DAOA: variants seen among roughly 807,000 people sequenced by gnomAD.
DAOA encodes D-amino acid oxidase activator.
DAOA carries 15 observed loss-of-function variants against 16.4 expected under a neutral mutation model. The observed-to-expected ratio is 0.91, with a 90% CI of 0.61 to 1.41. DAOA has a LOEUF of 1.41. Among genes scored for constraint, DAOA ranks in the 40% most tolerant of loss-of-function variants. The pLI is 0.00. For synonymous variants in DAOA, 75 were observed against 59.1 expected, an observed-to-expected ratio of 1.27 and a Z score of -1.23; for missense variants, 230 against 176.8, an observed-to-expected ratio of 1.30 and a Z score of -1.71.
chr13:105,488,504 C>T (rs1346711857), intron 4 of DAOA, among the ~76,000 whole-genome samples: 5 of 152,136 alleles, frequency 3.3e-5, no homozygotes, highest in South Asian at 2.1e-4. Context: ...TAACATCTTA[C>T]GTATATATTT....
intron 3 of DAOA, among the ~76,000 whole-genome samples, chr13:105,468,159 G>A (rs910349290): frequency 9.2e-5 from 14 of 152,134 alleles, no homozygotes; most frequent in African/African-American, 3.1e-4. Context: ...TTATAAAGAT[G>A]CCTGTGACTA....
intron 4 of DAOA, among the ~76,000 whole-genome samples, chr13:105,488,678 C>T (rs1404851830): frequency 6.6e-6 from 1 of 152,124 alleles, no homozygotes; most frequent in African/African-American, 2.4e-5. Flanking sequence ...CAATAAAACC[C>T]TGCTTACTCC....
intron 4 of DAOA, among the ~76,000 whole-genome samples, chr13:105,481,590 A>C (rs190936946): frequency 2.2e-4 from 34 of 152,250 alleles, no homozygotes; most frequent in Admixed American, 2.0e-3. Context: ...AGACTCCCTT[A>C]ATATCCCACC....
At chr13:105,470,569 C>A (rs562265549) in intron 3 of DAOA, among the ~76,000 whole-genome samples, 1 of 151,988 alleles carries the variant, frequency 6.6e-6, no homozygotes, top group Admixed American at 6.6e-5. Flanking sequence ...AGCAGCTCAC[C>A]CATGTACACC....
chr13:105,479,748 G>A (rs1877577499), intron 4 of DAOA, among the ~76,000 whole-genome samples: 1 of 152,122 alleles, frequency 6.6e-6, no homozygotes, highest in African/African-American at 2.4e-5. Flanking sequence ...CACATTCTGG[G>A]GTTCTGGAAA....
intron 5 of DAOA, chr13:105,490,461 G>A (rs1878440214): frequency 6.6e-6 from 1 of 152,414 alleles, no homozygotes; most frequent in Non-Finnish European, 1.5e-5. Context: ...AATTTATGTG[G>A]GAAAATATTC....
Position 105,489,967 on chromosome 13 carries a change from T to C in DAOA, c.348T>C (p.Tyr116=), listed in dbSNP as rs1188350014. The C allele has an allele frequency of 6.2e-7, 1 of 1,613,772 alleles. No individual in the cohort carries two copies. The highest frequency in any genetic ancestry group is 1.7e-5 in the Admixed American group (1 of 59,954). ...FMARNYEFLA[Y]EASKDRRQPL... is the part of the protein sequence containing the mutation. Reference sequence around the variant, plus strand: ...CAAGAAACTATGAGTTCCTTGCCTATGAGGCCTCTAAGGACCGCAGGCAGC... The same window carrying C: ...CAAGAAACTATGAGTTCCTTGCCTACGAGGCCTCTAAGGACCGCAGGCAGC... The change falls in exon 5 of 6, where the codon TAT becomes TAC. Residue 116 remains tyrosine (Y), a synonymous_variant. Coordinates refer to ENST00000375936, the MANE Select transcript of DAOA (RefSeq NM_172370.5).
chr13:105,484,852 T>C (rs1878003709), intron 4 of DAOA, among the ~76,000 whole-genome samples: 2 of 152,212 alleles, frequency 1.3e-5, no homozygotes, highest in South Asian at 4.1e-4. Context: ...AATAGAAATA[T>C]TGAAAGCAGA....
intron 3 of DAOA, 88 bp from the exon 4 acceptor site, chr13:105,472,450 A>G: frequency 1.5e-5 from 22 of 1,424,966 alleles, no homozygotes; most frequent in Non-Finnish European, 1.9e-5. Flanking sequence ...AATTCCTACA[A>G]TCGCTCCACA....
At chr13:105,483,935 G>A (rs1162812962) in intron 4 of DAOA, among the ~76,000 whole-genome samples, 3 of 151,876 alleles carry the variant, frequency 2.0e-5, no homozygotes, top group Admixed American at 6.6e-5. Context: ...TTGTTCTGTT[G>A]CATCTAATAC....
intron 3 of DAOA, among the ~76,000 whole-genome samples, chr13:105,469,832 C>T (rs1447529874): frequency 6.6e-6 from 1 of 152,180 alleles, no homozygotes; most frequent in Non-Finnish European, 1.5e-5. Context: ...AATTTACTTT[C>T]ATCATATTTC....
intron 4 of DAOA, among the ~76,000 whole-genome samples, chr13:105,488,616 G>A (rs1878299623): frequency 6.6e-6 from 1 of 152,052 alleles, no homozygotes; most frequent in Non-Finnish European, 1.5e-5. Context: ...TTATTTTCCA[G>A]AACAAATTCG....
chr13:105,483,388 A>G (rs193002186), intron 4 of DAOA, among the ~76,000 whole-genome samples: 77 of 152,314 alleles, frequency 5.1e-4, no homozygotes, highest in Non-Finnish European at 9.7e-4. Flanking sequence ...TAGATCTAAT[A>G]GTAGTTGGAT....
chr13:105,489,174 G>A (rs189064562), intron 4 of DAOA, among the ~76,000 whole-genome samples: 4 of 152,226 alleles, frequency 2.6e-5, no homozygotes, highest in East Asian at 1.9e-4. Context: ...TTATAAATGC[G>A]TTATTTTCCT....
intron 4 of DAOA, 154 bp from the exon 5 acceptor site, chr13:105,489,747 G>T: frequency 6.6e-7 from 1 of 1,510,786 alleles, no homozygotes; most frequent in Non-Finnish European, 8.9e-7. Flanking sequence ...TTGACTTCTT[G>T]GTGGTCACAC....
chr13:105,466,541 A>T (rs1440401024), intron 2 of DAOA: 1 of 751,304 alleles, frequency 1.3e-6, no homozygotes, highest in African/African-American at 1.8e-5. Flanking sequence ...ACTCATGTTA[A>T]TGAGGAGGAG....
intron 4 of DAOA, among the ~76,000 whole-genome samples, chr13:105,479,201 T>C (rs146377387): frequency 4.1e-4 from 62 of 152,290 alleles, no homozygotes; most frequent in African/African-American, 1.4e-3. Flanking sequence ...TTCGTATTGT[T>C]TCTTGGTTTT....
chr13:105,471,399 T>C (rs1365654199), intron 3 of DAOA, among the ~76,000 whole-genome samples: 1 of 152,184 alleles, frequency 6.6e-6, no homozygotes, highest in East Asian at 1.9e-4. Context: ...ACAAATAACA[T>C]ATTAGCACAG....
chr13:105,488,764 T>A (rs1311904846), intron 4 of DAOA, among the ~76,000 whole-genome samples: 1 of 152,174 alleles, frequency 6.6e-6, no homozygotes, highest in Non-Finnish European at 1.5e-5. Context: ...GGCCAAGTCA[T>A]TAGACCTTAG....
Sources: gnomAD v4.1 joint callset for allele counts (sites outside exome capture counted in the v4.1 genomes callset) on GRCh38, gnomAD v4.1.1 for gene constraint, MANE v1.5 for transcripts, NCBI Gene and HGNC (gene_info 2026-07-23, HGNC 2026-07-21) for gene names.